Variants in ARHGEF38 observed in about 807,000 individuals in gnomAD.
ARHGEF38 encodes the protein Rho guanine nucleotide exchange factor 38, also known as Rho guanine nucleotide exchange factor (GEF) 38.
In ARHGEF38, 79 loss-of-function variants were observed where a neutral mutation model predicts 79.9. The ratio of observed to expected loss-of-function variants is 0.99; its 90% CI spans 0.82 to 1.19. The LOEUF is 1.19. Ranked by LOEUF, ARHGEF38 falls within the 50% of genes most tolerant of loss-of-function variation. ARHGEF38 has a pLI of 0.00. For missense variants in ARHGEF38, 962 were observed against 907.2 expected (o/e 1.06, Z -0.78); for synonymous variants, 366 against 328.3 (o/e 1.11, Z -1.24).
rs144997395 is a variant in ARHGEF38 at position 105,605,247 on chromosome 4, A to G, written c.385-8137A>G. On this transcript the variant is annotated intron_variant, in intron 2 of 13. Coordinates refer to ENST00000420470, the MANE Select transcript of ARHGEF38 (RefSeq NM_001242729.2). ...AATATAATAACTTTGCTTTTCTATT[A>G]CTAGTCAAAACAAATTTTCTGTTGG... 1.3e-3 allele frequency among the ~76,000 whole-genome samples: 202 copies of G among 152,272 alleles called. 2 individuals carry two copies. Among genetic ancestry groups the G allele is most frequent in the African/African-American group, 4.7e-3 (196 of 41,576 alleles).
At chr4:105,676,223 T>G (rs2110589100) in intron 13 of ARHGEF38, among the ~76,000 whole-genome samples, 1 of 152,356 alleles carries the variant, frequency 6.6e-6, no homozygotes, top group South Asian at 2.1e-4. Flanking sequence ...AGTTTGAGAG[T>G]TAATCTGCTT....
chr4:105,572,472 TCAC>T (rs1413268443), intron 1 of ARHGEF38, among the ~76,000 whole-genome samples: 1 of 152,164 alleles, frequency 6.6e-6, no homozygotes, highest in Non-Finnish European at 1.5e-5. Flanking sequence ...TCTGTAAACA[TCAC>T]CACCACCTCC....
chr4:105,632,418 A>G (rs1029459543), intron 4 of ARHGEF38, among the ~76,000 whole-genome samples: 5 of 152,202 alleles, frequency 3.3e-5, no homozygotes, highest in African/African-American at 4.8e-5. Flanking sequence ...GTAATGAGCA[A>G]GTAGCTCTAG....
chr4:105,652,025 C>G (rs1472365538), intron 7 of ARHGEF38, among the ~76,000 whole-genome samples: 1 of 152,198 alleles, frequency 6.6e-6, no homozygotes, highest in African/African-American at 2.4e-5. Flanking sequence ...AGGCTTCATC[C>G]ACATCCTATT....
chr4:105,668,234 T>C (rs923852188), intron 13 of ARHGEF38, among the ~76,000 whole-genome samples: 2 of 151,948 alleles, frequency 1.3e-5, no homozygotes, highest in African/African-American at 2.4e-5. Flanking sequence ...CAGGCTGGAG[T>C]GCAGTGGCGC....
intron 1 of ARHGEF38, among the ~76,000 whole-genome samples, chr4:105,571,735 C>T (rs1439134734): frequency 2.6e-5 from 4 of 152,170 alleles, no homozygotes; most frequent in Non-Finnish European, 5.9e-5. Flanking sequence ...TGTTCTTACC[C>T]ACACATATGT....
chr4:105,585,825 G>A (rs547732978), intron 1 of ARHGEF38, among the ~76,000 whole-genome samples: 12 of 132,000 alleles, frequency 9.1e-5, no homozygotes, highest in Non-Finnish European at 1.7e-4. Context: ...TCCGCCTGGT[G>A]GGTTCAAGTG....
intron 3 of ARHGEF38, among the ~76,000 whole-genome samples, chr4:105,626,616 A>G (rs1257195353): frequency 6.6e-6 from 1 of 151,946 alleles, no homozygotes; most frequent in East Asian, 1.9e-4. Context: ...TTGTTTATTT[A>G]CCTTATTATT....
chr4:105,563,605 G>C (rs1028939773), intron 1 of ARHGEF38, among the ~76,000 whole-genome samples: 2 of 152,204 alleles, frequency 1.3e-5, no homozygotes, highest in African/African-American at 4.8e-5. Flanking sequence ...GTTTTCCTGA[G>C]GTTTGCTTGG....
chr4:105,675,459 A>G (rs897587423), intron 13 of ARHGEF38, among the ~76,000 whole-genome samples: 1 of 152,224 alleles, frequency 6.6e-6, no homozygotes, highest in South Asian at 2.1e-4. Context: ...TAATAATTTG[A>G]CCATGTTCAT....
chr4:105,573,784 A>G (rs943835091), intron 1 of ARHGEF38, among the ~76,000 whole-genome samples: 4 of 151,812 alleles, frequency 2.6e-5, no homozygotes, highest in African/African-American at 9.7e-5. Context: ...TTTGATAAAG[A>G]TTGCATAGAA....
At chr4:105,553,031 C>A in intron 1 of ARHGEF38, 70 bp downstream of exon 1, 1 of 1,251,670 alleles carries the variant, frequency 8.0e-7, no homozygotes, top group South Asian at 1.6e-5. Context: ...TTTCCAATTG[C>A]AAAGAAAACA....
At chr4:105,674,338 C>T (rs1461905008) in intron 13 of ARHGEF38, among the ~76,000 whole-genome samples, 1 of 151,708 alleles carries the variant, frequency 6.6e-6, no homozygotes. Flanking sequence ...TAAAAAGTGC[C>T]AAGGAAAAAC....
rs1731251729 is a variant in ARHGEF38, at chr4:105,679,889, G to T, written c.*1952G>T. The T allele has an allele frequency of 3.5e-6, 5 of 1,434,298 alleles. 1 individual carries two copies. In the South Asian group the frequency reaches 5.7e-5, roughly 16 times the overall value. The allele number at this position is 1,434,298 out of a possible 1,614,324, so 88.8% of individuals were successfully genotyped here. On this transcript the variant is annotated 3_prime_UTR_variant, in exon 14 of 14. Transcript: ENST00000420470. Reference sequence around the variant, plus strand: ...AACTACAGGAATGTCCAAACCACGAGGAGCCACATTGGTTGCCACCAAAAC... The same window carrying T: ...AACTACAGGAATGTCCAAACCACGATGAGCCACATTGGTTGCCACCAAAAC...
chr4:105,662,097 G>A (rs1730586262), intron 10 of ARHGEF38, among the ~76,000 whole-genome samples: 1 of 152,006 alleles, frequency 6.6e-6, no homozygotes, highest in African/African-American at 2.4e-5. Flanking sequence ...TAAGAAAGCT[G>A]GTTTCTCTGG....
intron 2 of ARHGEF38, among the ~76,000 whole-genome samples, chr4:105,591,743 AG>A (rs2110461737): frequency 6.6e-6 from 1 of 152,320 alleles, no homozygotes; most frequent in South Asian, 2.1e-4. Flanking sequence ...ATCTTGCTCC[AG>A]GCACTTCATT....
intron 1 of ARHGEF38, among the ~76,000 whole-genome samples, chr4:105,563,593 G>A (rs1725742667): frequency 6.6e-6 from 1 of 152,216 alleles, no homozygotes; most frequent in African/African-American, 2.4e-5. Flanking sequence ...GGTGAAGTCA[G>A]AGTTTTCCTG....
intron 2 of ARHGEF38, among the ~76,000 whole-genome samples, chr4:105,602,953 C>T (rs1727888152): frequency 1.3e-5 from 2 of 152,128 alleles, no homozygotes; most frequent in African/African-American, 4.8e-5. Flanking sequence ...GGGATTCATA[C>T]TGCAGCTTAA....
At chr4:105,561,812 C>T (rs1187959591) in intron 1 of ARHGEF38, among the ~76,000 whole-genome samples, 1 of 152,014 alleles carries the variant, frequency 6.6e-6, no homozygotes, top group Non-Finnish European at 1.5e-5. Flanking sequence ...GTAAAAACCT[C>T]AAAGAAGCAG....
Sources: gnomAD v4.1 joint callset for allele counts (sites outside exome capture counted in the v4.1 genomes callset) on GRCh38, gnomAD v4.1.1 for gene constraint, MANE v1.5 for transcripts, NCBI Gene and HGNC (gene_info 2026-07-23, HGNC 2026-07-21) for gene names.